Variants in WWOX observed in about 807,000 individuals in gnomAD.
WWOX encodes WW domain containing oxidoreductase.
In WWOX, 69 loss-of-function variants were observed where a neutral mutation model predicts 46.2. That is an observed-to-expected ratio of 1.49 (90% CI 1.23 to 1.82). The LOEUF is 1.82. Among genes scored for constraint, WWOX ranks in the 40% most tolerant of loss-of-function variants. WWOX has a pLI of 0.00. For synonymous variants in WWOX, 359 were observed against 202.6 expected, an observed-to-expected ratio of 1.77 and a Z score of -6.56; for missense variants, 919 against 542.6, an observed-to-expected ratio of 1.69 and a Z score of -6.89.
intron 5 of WWOX, among the ~76,000 whole-genome samples, chr16:78,352,019 G>A (rs1482507665): frequency 6.6e-6 from 1 of 152,196 alleles, no homozygotes; most frequent in Non-Finnish European, 1.5e-5. Flanking sequence ...GGTGGGAGCA[G>A]TTGATGATCC....
chr16:79,129,800 C>G (rs1020003693), intron 8 of WWOX, among the ~76,000 whole-genome samples: 2 of 152,172 alleles, frequency 1.3e-5, no homozygotes, highest in African/African-American at 2.4e-5. Context: ...GTCCATCCCT[C>G]AAAGAGCTCA....
At chr16:78,560,380 C>T (rs1976639) in intron 8 of WWOX, among the ~76,000 whole-genome samples, 3,672 of 152,202 alleles carry the variant, frequency 0.024, 138 homozygotes, top group African/African-American at 0.08. Context: ...CGGTGGCTCA[C>T]GCCTGTAATC....
chr16:79,043,068 C>T (rs2048002615), intron 8 of WWOX, among the ~76,000 whole-genome samples: 1 of 152,054 alleles, frequency 6.6e-6, no homozygotes, highest in Admixed American at 6.5e-5. Context: ...CCCATCATAC[C>T]TGGGCACTGC....
At chr16:78,996,308 G>T in intron 8 of WWOX, 1 of 984,402 alleles carries the variant, frequency 1.0e-6, no homozygotes, top group Non-Finnish European at 1.2e-6. Flanking sequence ...TTGCCTTGTG[G>T]ATGTTTTTCT....
chr16:79,045,566 G>T (rs570288048), intron 8 of WWOX, among the ~76,000 whole-genome samples: 1 of 152,074 alleles, frequency 6.6e-6, no homozygotes, highest in Non-Finnish European at 1.5e-5. Flanking sequence ...GAACACGGAG[G>T]CAGAATTTAA....
chr16:78,848,275 C>T (rs1426712126), intron 8 of WWOX, among the ~76,000 whole-genome samples: 1 of 152,014 alleles, frequency 6.6e-6, no homozygotes, highest in Non-Finnish European at 1.5e-5. Flanking sequence ...TGCTGCTTTT[C>T]GTTGTTGATG....
rs369022535 is a variant in WWOX, at chr16:79,167,774, C to T, written c.1057-43834C>T. Among the ~76,000 whole-genome samples the T allele has an allele frequency of 8.5e-5, 13 of 152,292 alleles. No individual in the cohort carries two copies. In the South Asian group the frequency reaches 2.7e-3, roughly 32 times the overall value. On this transcript the variant is annotated intron_variant, in intron 8 of 8. Transcript: ENST00000566780. Reference sequence around the variant, plus strand: ...TGAAATTCACGTAATATACAGTTAACCATTTTAAAGTGTACACTTCAGTGG... The same window carrying T: ...TGAAATTCACGTAATATACAGTTAATCATTTTAAAGTGTACACTTCAGTGG...
chr16:78,165,915 A>C (rs2034956528), intron 5 of WWOX, among the ~76,000 whole-genome samples: 1 of 152,152 alleles, frequency 6.6e-6, no homozygotes, highest in South Asian at 2.1e-4. Flanking sequence ...TGATCATTTT[A>C]TTGTCTTTCT....
At chr16:78,281,589 A>C (rs1377627125) in intron 5 of WWOX, among the ~76,000 whole-genome samples, 1 of 152,196 alleles carries the variant, frequency 6.6e-6, no homozygotes, top group Non-Finnish European at 1.5e-5. Flanking sequence ...CCAACTACTC[A>C]ACTCTGCCCT....
At chr16:79,052,200 C>G (rs1339673904) in intron 8 of WWOX, among the ~76,000 whole-genome samples, 1 of 151,542 alleles carries the variant, frequency 6.6e-6, no homozygotes, top group Non-Finnish European at 1.5e-5. Flanking sequence ...TCCCCCCACC[C>G]CACCACAGTC....
chr16:78,826,882 C>T (rs2051672573), intron 8 of WWOX, among the ~76,000 whole-genome samples: 1 of 152,226 alleles, frequency 6.6e-6, no homozygotes. Flanking sequence ...ATCTCCCTTT[C>T]CCTGTAAGTG....
chr16:78,936,693 G>C (rs1042640449), intron 8 of WWOX, among the ~76,000 whole-genome samples: 1 of 151,828 alleles, frequency 6.6e-6, no homozygotes, highest in Non-Finnish European at 1.5e-5. Flanking sequence ...TAGGTAAGGA[G>C]AGATTTCTGA....
At chr16:78,516,633 G>A (rs1219927152) in intron 8 of WWOX, among the ~76,000 whole-genome samples, 1 of 152,056 alleles carries the variant, frequency 6.6e-6, no homozygotes, top group Non-Finnish European at 1.5e-5. Flanking sequence ...CACGTGTATT[G>A]TCTCCTCCTA....
chr16:78,656,168 TTG>T (rs905723433), intron 8 of WWOX, among the ~76,000 whole-genome samples: 2 of 152,012 alleles, frequency 1.3e-5, no homozygotes, highest in African/African-American at 2.4e-5. Context: ...CTCATAACAT[TTG>T]TGTGTGTGTG....
chr16:78,782,862 A>T (rs960504003), intron 8 of WWOX, among the ~76,000 whole-genome samples: 1 of 152,180 alleles, frequency 6.6e-6, no homozygotes, highest in African/African-American at 2.4e-5. Flanking sequence ...TGTTAATTAT[A>T]CAATGATCCA....
chr16:79,190,278 G>T (rs887080564), intron 8 of WWOX, among the ~76,000 whole-genome samples: 4 of 152,110 alleles, frequency 2.6e-5, no homozygotes, highest in Non-Finnish European at 5.9e-5. Context: ...GCCTGCCTCA[G>T]CCTCTCACAG....
intron 8 of WWOX, among the ~76,000 whole-genome samples, chr16:79,210,561 C>T (rs569880130): frequency 1.1e-4 from 17 of 152,292 alleles, no homozygotes; most frequent in South Asian, 8.3e-4. Flanking sequence ...TCCTCTCTTG[C>T]AACCCCTCTC....
At chr16:78,843,448 G>C (rs1218606369) in intron 8 of WWOX, among the ~76,000 whole-genome samples, 1 of 149,984 alleles carries the variant, frequency 6.7e-6, no homozygotes. Flanking sequence ...CCAGCTCAGG[G>C]GATGAGATTA....
intron 8 of WWOX, among the ~76,000 whole-genome samples, chr16:78,775,017 G>C (rs1036115445): frequency 6.6e-6 from 1 of 152,180 alleles, no homozygotes; most frequent in East Asian, 1.9e-4. Flanking sequence ...AAGTTGGGCA[G>C]ATGGCGAGAG....
Sources: gnomAD v4.1 joint callset for allele counts (sites outside exome capture counted in the v4.1 genomes callset) on GRCh38, gnomAD v4.1.1 for gene constraint, MANE v1.5 for transcripts, NCBI Gene and HGNC (gene_info 2026-07-23, HGNC 2026-07-21) for gene names.